The following SSPN variants were observed in gnomAD, a reference collection of about 807,000 sequenced individuals.
SSPN encodes the protein K-ras oncogene-associated protein.
Under a neutral mutation model 19.1 loss-of-function variants are expected in SSPN, and 15 were observed. That is an observed-to-expected ratio of 0.78 (90% CI 0.52 to 1.21). The LOEUF (loss-of-function observed/expected upper bound fraction) is 1.21, where lower values mean the gene tolerates loss of function less well. SSPN is among the 50% of genes most tolerant of loss of function. The pLI is 0.00. For synonymous variants in SSPN, 147 were observed against 140.3 expected, an observed-to-expected ratio of 1.05 and a Z score of -0.34; for missense variants, 291 against 314.0, an observed-to-expected ratio of 0.93 and a Z score of 0.55.
At chr12:26,123,299 C>G (rs77757339) in intron 1 of SSPN, 100 of 1,259,060 alleles carry the variant, frequency 7.9e-5, no homozygotes, top group Non-Finnish European at 1.1e-4. Flanking sequence ...CCCCAGTATT[C>G]AAGTGATATA....
At chr12:26,192,453 A>T (rs775353907), upstream of SSPN, among the ~76,000 whole-genome samples, 1 of 152,228 alleles carries the variant, frequency 6.6e-6, no homozygotes. Context: ...AGGACATGTA[A>T]AAGGAAGAGT....
chr12:26,122,671 G>T, intron 1 of SSPN: 1 of 1,532,020 alleles, frequency 6.5e-7, no homozygotes, highest in Non-Finnish European at 8.7e-7. Context: ...CGGGAATCCA[G>T]CTTCATCCTC....
chr12:26,222,281 A>T (rs887743003), intron 1 of SSPN, among the ~76,000 whole-genome samples: 1 of 152,236 alleles, frequency 6.6e-6, no homozygotes, highest in African/African-American at 2.4e-5. Context: ...TTGGCTTTTG[A>T]CTTCATGGTC....
At chr12:26,204,321 T>G (rs1944912414) in intron 1 of SSPN, among the ~76,000 whole-genome samples, 1 of 152,194 alleles carries the variant, frequency 6.6e-6, no homozygotes, top group Non-Finnish European at 1.5e-5. Context: ...ACAGATTGCT[T>G]CTTTTGTCAA....
chr12:26,194,030 A>G (rs963534726), upstream of SSPN, among the ~76,000 whole-genome samples: 7 of 152,222 alleles, frequency 4.6e-5, no homozygotes, highest in African/African-American at 1.7e-4. Context: ...CCAATAGCAA[A>G]CAAGCTAGGA....
intron 1 of SSPN, among the ~76,000 whole-genome samples, chr12:26,216,334 G>A (rs1945049151): frequency 6.6e-6 from 1 of 152,240 alleles, no homozygotes; most frequent in South Asian, 2.1e-4. Context: ...GTGATGATGA[G>A]CATTTTTTCA....
intron 2 of SSPN, 40 bp downstream of exon 2, chr12:26,224,419 A>G (rs1212856110): frequency 1.3e-6 from 2 of 1,490,442 alleles, no homozygotes; most frequent in Non-Finnish European, 1.9e-6. Flanking sequence ...CATCACATAG[A>G]AAGAAATCCA....
chr12:26,191,462 A>AAG (rs1169115286), upstream of SSPN, among the ~76,000 whole-genome samples: 1 of 151,220 alleles, frequency 6.6e-6, no homozygotes, highest in South Asian at 2.1e-4. Flanking sequence ...CCAGGGAAGA[A>AAG]AGAGAGAGAG....
chr12:26,221,587 GGCTACAAAGAAGTA>G (rs1241123853), intron 1 of SSPN, among the ~76,000 whole-genome samples: 1 of 143,310 alleles, frequency 7.0e-6, no homozygotes, highest in Middle Eastern at 3.3e-3. Context: ...GGTAAATGAA[GGCTACAAAGAAGTA>G]GCTACTGCTG....
At chr12:26,220,247 CAAAAAAA>C (rs58022147) in intron 1 of SSPN, among the ~76,000 whole-genome samples, 1 of 114,438 alleles carries the variant, frequency 8.7e-6, no homozygotes, top group African/African-American at 3.7e-5. Flanking sequence ...AAGCTGTAGG[CAAAAAAA>C]AAAAAAAAAA....
chr12:26,122,303 G>C lies in SSPN; in HGVS notation c.-31+151G>C, dbSNP rs1056302354. ...GGAACGCGGCGGCGGCGGCGGCAGC[G>C]GCGGCGGCGGCTGCCGCGGCTGCCG... On this transcript the variant is annotated intron_variant, in intron 1 of 2. Transcript: ENST00000538142. 1.3e-5 allele frequency: 15 copies of C among 1,163,890 alleles called. No homozygotes were observed. The African/African-American group carries it at 2.1e-4, about 16-fold the overall frequency. The allele number at this position is 1,163,890 out of a possible 1,614,324, so 72.1% of individuals were successfully genotyped here.
At chr12:26,174,258 C>A (rs548923969) in intron 1 of SSPN, among the ~76,000 whole-genome samples, 1 of 152,324 alleles carries the variant, frequency 6.6e-6, no homozygotes, top group African/African-American at 2.4e-5. Context: ...TAAAGACTAT[C>A]TTGGTTAAAT....
intron 1 of SSPN, among the ~76,000 whole-genome samples, chr12:26,201,046 T>TATATATATAATATATATATATATATAAAA (rs59727119): frequency 7.0e-4 from 54 of 77,210 alleles, no homozygotes; most frequent in African/African-American, 2.7e-3. Context: ...TATATATATA[T>TATATATATAATATATATATATATATAAAA]TATATATATA....
chr12:26,138,490 A>G (rs1393361267), intron 1 of SSPN, among the ~76,000 whole-genome samples: 1 of 152,216 alleles, frequency 6.6e-6, no homozygotes, highest in Non-Finnish European at 1.5e-5. Flanking sequence ...TGAAAGAAAT[A>G]TTCTATAATC....
At chr12:26,181,545 A>G (rs1051363700) in intron 1 of SSPN, among the ~76,000 whole-genome samples, 28 of 152,222 alleles carry the variant, frequency 1.8e-4, no homozygotes, top group African/African-American at 6.8e-4. Context: ...TCTTGGTGCT[A>G]TAGATCAGTT....
intron 1 of SSPN, among the ~76,000 whole-genome samples, chr12:26,200,610 GA>G (rs2137462826): frequency 1.3e-5 from 2 of 152,278 alleles, no homozygotes; most frequent in South Asian, 4.1e-4. Context: ...CTGGAAGAGA[GA>G]AAGGTTTGGC....
chr12:26,175,930 A>T (rs1315196859), intron 1 of SSPN, among the ~76,000 whole-genome samples: 2 of 151,908 alleles, frequency 1.3e-5, no homozygotes, highest in East Asian at 1.9e-4. Flanking sequence ...TCTGCCTCCA[A>T]GGTGCAAGCA....
At chr12:26,212,880 T>A (rs538003169) in intron 1 of SSPN, among the ~76,000 whole-genome samples, 1 of 151,942 alleles carries the variant, frequency 6.6e-6, no homozygotes, top group African/African-American at 2.4e-5. Context: ...AAGGTTATAA[T>A]TAGTGCTCTG....
chr12:26,155,853 A>G (rs746739435), intron 1 of SSPN, among the ~76,000 whole-genome samples: 2 of 152,174 alleles, frequency 1.3e-5, no homozygotes, highest in Non-Finnish European at 2.9e-5. Flanking sequence ...CCCAGTGAAC[A>G]GGGCAAGTCA....
Sources: gnomAD v4.1 joint callset for allele counts (sites outside exome capture counted in the v4.1 genomes callset) on GRCh38, gnomAD v4.1.1 for gene constraint, MANE v1.5 for transcripts, NCBI Gene and HGNC (gene_info 2026-07-23, HGNC 2026-07-21) for gene names.